SEZ6L2: variants seen among roughly 807,000 people sequenced by gnomAD.
SEZ6L2 encodes seizure related 6 homolog like 2.
A neutral mutation model predicts 97.0 loss-of-function variants in SEZ6L2; 44 were observed. The observed-to-expected ratio is 0.45, with a 90% confidence interval of 0.36 to 0.58. The LOEUF (loss-of-function observed/expected upper bound fraction) is 0.58, where lower values mean the gene tolerates loss of function less well. Among genes scored for constraint, SEZ6L2 ranks in the 20% least tolerant of loss-of-function variants. The pLI, the probability that SEZ6L2 is intolerant of heterozygous loss-of-function variation, is 0.00. For synonymous variants in SEZ6L2, 543 were observed against 546.1 expected, an observed-to-expected ratio of 0.99 and a Z score of 0.08; for missense variants, 1,086 against 1,233.3, an observed-to-expected ratio of 0.88 and a Z score of 1.79.
At position 29,876,882 on chromosome 16, in the gene SEZ6L2, C is replaced by T. The variant is rs771078127; in HGVS notation, c.1978G>A (p.Gly660Arg). The T allele has an allele frequency of 2.5e-6, 4 of 1,613,566 alleles. No homozygotes were observed. The highest frequency in any genetic ancestry group is 2.2e-5 in the South Asian group (2 of 91,034). Reference sequence around the variant, plus strand: ...AGCACCGTGCCCCGGATCAGGTCCCCGTGGGATGCCGTTCTCCAGCCCCAC... The same window carrying T: ...AGCACCGTGCCCCGGATCAGGTCCCTGTGGGATGCCGTTCTCCAGCCCCAC... ...PEWGWRTASH[G>R]DLIRGTVLTY... The change falls in exon 12 of 18, where the codon GGG becomes AGG. Residue 660 changes from glycine to arginine, a missense_variant. By Grantham distance (125) the Gly-to-Arg change is moderately radical. This residue lies in a region of SEZ6L2 where 310 missense variants were observed against 438.6 expected (regional missense o/e 0.71). Coordinates refer to ENST00000617533, the MANE Select transcript of SEZ6L2 (RefSeq NM_001243332.2). This position sits in a 1 kb window ranked among gnomAD's most constrained non-coding sequence, Gnocchi z 6.5.
In SEZ6L2 at chr16:29,899,110, GTT is replaced by G. The variant is rs556364210; in HGVS notation, c.-93_-92del. On this transcript the variant is annotated 5_prime_UTR_variant, in exon 1 of 18. Transcript: ENST00000617533. ...TCTCCGTTTATCTTTCCCTTTAATTGTTTTTTTTTTTTTTTTTTTTTTCCTCG... is the reference window on the plus strand; with the variant it reads ...TCTCCGTTTATCTTTCCCTTTAATTGTTTTTTTTTTTTTTTTTTTTCCTCG... 0.071 allele frequency: 34,251 copies of G among 485,604 alleles called. 827 individuals carry two copies. Among genetic ancestry groups the G allele is most frequent in the African/African-American group, 0.24 (8,690 of 35,628 alleles). 30.1% of individuals were successfully genotyped at this position (485,604 alleles called of 1,614,324 possible).
intron 8 of SEZ6L2, among the ~76,000 whole-genome samples, chr16:29,880,631 T>A (rs2068011597): frequency 6.6e-6 from 1 of 151,608 alleles, no homozygotes; most frequent in Non-Finnish European, 1.5e-5. Context: ...AATTTTTGTA[T>A]TCTTAGTAGA....
At chr16:29,892,637 G>A (rs1328642736) in intron 5 of SEZ6L2, among the ~76,000 whole-genome samples, 3 of 152,254 alleles carry the variant, frequency 2.0e-5, no homozygotes, top group Admixed American at 6.5e-5. Context: ...GATTCAGGGT[G>A]TACCCTGCAT....
At chr16:29,887,883 G>T in intron 6 of SEZ6L2, 66 bp from the exon 7 acceptor site, 1 of 1,556,728 alleles carries the variant, frequency 6.4e-7, no homozygotes. Context: ...TCGGGGCCTC[G>T]GCCCGTTTTC....
chr16:29,888,470 C>A, intron 6 of SEZ6L2, 70 bp downstream of exon 6: 7 of 1,519,434 alleles, frequency 4.6e-6, no homozygotes, highest in Non-Finnish European at 6.3e-6. Context: ...CACCTGGACA[C>A]CCCCGAGATA....
chr16:29,897,752 G>A, intron 2 of SEZ6L2, 101 bp downstream of exon 2: 2 of 1,361,750 alleles, frequency 1.5e-6, no homozygotes, highest in Non-Finnish European at 2.0e-6. Context: ...TTCCTCTGCA[G>A]TCTCTCTCTG....
intron 8 of SEZ6L2, among the ~76,000 whole-genome samples, chr16:29,882,500 C>T (rs944091648): frequency 1.3e-5 from 2 of 151,736 alleles, no homozygotes; most frequent in African/African-American, 4.8e-5. Flanking sequence ...CCACTTGAAC[C>T]CGGAAGGCGG....
At chr16:29,896,443 C>T (rs2068391510) in intron 3 of SEZ6L2, among the ~76,000 whole-genome samples, 1 of 152,098 alleles carries the variant, frequency 6.6e-6, no homozygotes, top group African/African-American at 2.4e-5. Flanking sequence ...CCACGCCTGG[C>T]TAATTTTGTA....
chr16:29,873,787 A>T lies in SEZ6L2; in HGVS notation c.2105-58T>A. ...AGGGCCTTCAAAGATCAGCCTGGGC[A>T]ACACAGAGAGACCCCATCTCTACAA... On this transcript the variant is annotated intron_variant, in intron 12 of 17. Coordinates refer to ENST00000617533, the MANE Select transcript of SEZ6L2 (RefSeq NM_001243332.2). This position sits in a 1 kb window ranked among gnomAD's most constrained non-coding sequence, Gnocchi z 4.3. 4 of 1,451,528 alleles carry T rather than the reference A, an allele frequency of 2.8e-6. 1 individual carries two copies. In the South Asian group the frequency reaches 5.3e-5, roughly 19 times the overall value. 89.9% of individuals were successfully genotyped at this position (1,451,528 alleles called of 1,614,324 possible).
Position 29,877,320 on chromosome 16 carries a change from G to T in SEZ6L2, c.1860C>A (p.Pro620=), listed in dbSNP as rs908025433. Residue 620 remains proline (P), a synonymous_variant, in exon 11 of 18, where the codon CCC becomes CCA. Transcript: ENST00000617533. The part of the protein sequence containing the change: ...PDLTLQFQAP[P]GPPNPGLGQG... ...GGCCCAGGCCTGGATTTGGGGGCCC[G>T]GGCGGTGCCTGAAACTGCAGTGTGA... 1 of 1,612,242 alleles carries T rather than the reference G, an allele frequency of 6.2e-7. No individual in the cohort carries two copies. Among genetic ancestry groups the T allele is most frequent in the Non-Finnish European group, 8.5e-7 (1 of 1,179,140 alleles).
rs377283032 is a variant in SEZ6L2, at chr16:29,885,713, G to A, written c.1245C>T (p.Pro415=). ...MVRSGGSPLS[P]VIYDSDMDDV... is the part of the protein sequence containing the mutation. ...CGTCCATGTCCGAATCATAGATCAC[G>A]GGGGATAGGGGGCTGCCCCCTGAGC... Residue 415 remains proline (P), a synonymous_variant, in exon 8 of 18, where the codon CCC becomes CCT. Coordinates refer to ENST00000617533, the MANE Select transcript of SEZ6L2 (RefSeq NM_001243332.2). 190 of 1,613,238 alleles carry A rather than the reference G, an allele frequency of 1.2e-4. No homozygotes were observed. The highest frequency in any genetic ancestry group is 6.7e-4 in the Middle Eastern group (4 of 6,010).
In SEZ6L2 at chr16:29,871,599, G is replaced by A; in HGVS notation, c.*100C>T. On this transcript the variant is annotated 3_prime_UTR_variant, in exon 18 of 18. Transcript: ENST00000617533. ...TAGGGAGACTATTTACACAGCCAGG[G>A]AGGAGGGCAGCCAGGAGGCAGAGAC... 8.3e-7 allele frequency: 1 copy of A among 1,205,902 alleles called. No homozygotes were observed. Among genetic ancestry groups the A allele is most frequent in the Non-Finnish European group, 1.2e-6 (1 of 830,778 alleles). 74.7% of individuals were successfully genotyped at this position (1,205,902 alleles called of 1,614,324 possible).
chr16:29,872,363 C>T (rs201573399), intron 16 of SEZ6L2, 46 bp downstream of exon 16: 19 of 1,605,332 alleles, frequency 1.2e-5, no homozygotes, highest in Admixed American at 1.2e-4. Flanking sequence ...GTGCCAGGCT[C>T]GCAAGACGTC....
At chr16:29,891,141 C>G (rs1001002821) in intron 5 of SEZ6L2, among the ~76,000 whole-genome samples, 3 of 151,964 alleles carry the variant, frequency 2.0e-5, no homozygotes, top group Admixed American at 6.6e-5. Context: ...GGTGTTTCAC[C>G]ATGTTGGTCA....
At chr16:29,884,466 CCTGTAATCCCAG>C (rs1218675560) in intron 8 of SEZ6L2, among the ~76,000 whole-genome samples, 4 of 152,072 alleles carry the variant, frequency 2.6e-5, no homozygotes, top group South Asian at 4.2e-4. Context: ...GTGATGCATG[CCTGTAATCCCAG>C]CTACTCGGGA....
rs749884725 is a variant in SEZ6L2, at chr16:29,896,936, G to A, written c.397C>T (p.Pro133Ser). 1.3e-5 allele frequency: 21 copies of A among 1,609,374 alleles called. No individual in the cohort carries two copies. The highest frequency in any genetic ancestry group is 1.8e-5 in the Non-Finnish European group (21 of 1,178,008). ...LTPPPGTTAP[P>S]PPSPASPGPP... ...CCTGGGGAGGCAGGGCTGGGTGGGGGTGGGGCTGTGGTTCCTGGGGGCGGG... is the reference window on the plus strand; with the variant it reads ...CCTGGGGAGGCAGGGCTGGGTGGGGATGGGGCTGTGGTTCCTGGGGGCGGG... The change falls in exon 3 of 18, where the codon CCC (proline) becomes TCC (serine). Residue 133 changes from proline to serine, a missense_variant. By Grantham distance (74) the Pro-to-Ser change is moderately conservative. Around this residue, in one of 2 missense-constraint regions of SEZ6L2, gnomAD observed 776 missense variants for 794.7 expected, o/e 0.98. Coordinates refer to ENST00000617533, the MANE Select transcript of SEZ6L2 (RefSeq NM_001243332.2).
chr16:29,888,406 TG>T, intron 6 of SEZ6L2, 133 bp downstream of exon 6: 2 of 859,790 alleles, frequency 2.3e-6, no homozygotes, highest in Non-Finnish European at 3.5e-6. Flanking sequence ...GACCCCAGGA[TG>T]GGGACTCCTC....
In SEZ6L2 at chr16:29,873,143, G is replaced by T; in HGVS notation, c.2488+97C>A. 1 of 1,359,238 alleles carries T rather than the reference G, an allele frequency of 7.4e-7. No individual in the cohort carries two copies. The highest frequency in any genetic ancestry group is 2.4e-5 in the East Asian group (1 of 41,618). 84.2% of individuals were successfully genotyped at this position (1,359,238 alleles called of 1,614,324 possible). On this transcript the variant is annotated intron_variant, in intron 14 of 17. Transcript: ENST00000617533. The surrounding 1 kb of genome is among the most constrained non-coding windows in gnomAD (Gnocchi z 4.3). ...ACAGGAGGAGAACCGGGAGCTCTGTGGGGTCGCCCATTGGTCTCAAATGTG... is the reference window on the plus strand; with the variant it reads ...ACAGGAGGAGAACCGGGAGCTCTGTTGGGTCGCCCATTGGTCTCAAATGTG...
chr16:29,898,604 G>A (rs2068459514), intron 1 of SEZ6L2, among the ~76,000 whole-genome samples: 1 of 152,020 alleles, frequency 6.6e-6, no homozygotes, highest in African/African-American at 2.4e-5. Flanking sequence ...TGTGTACAGC[G>A]CCTGGCATCT....
Sources: allele counts gnomAD v4.1 joint callset (sites outside exome capture counted in the v4.1 genomes callset), GRCh38; gene constraint gnomAD v4.1.1; regional missense constraint gnomAD v4.1.1; non-coding constraint Gnocchi (gnomAD v3.1); transcripts MANE v1.5; gene names NCBI Gene and HGNC (gene_info 2026-07-23, HGNC 2026-07-21).